Variants in MTOR observed in about 807,000 individuals in gnomAD.
MTOR encodes the protein mechanistic target of rapamycin kinase.
MTOR carries 70 observed loss-of-function variants against 319.8 expected under a neutral mutation model. The observed-to-expected ratio is 0.22, with a 90% CI of 0.18 to 0.27. The LOEUF is 0.27. MTOR is among the 10% of genes least tolerant of loss of function. MTOR has a pLI of 1.00. For missense variants in MTOR, 1,890 were observed against 3,274.4 expected (o/e 0.58, Z 10.32); for synonymous variants, 1,183 against 1,211.4 (o/e 0.98, Z 0.49).
rs757594329 is a variant in MTOR at position 11,228,725 on chromosome 1, G to C, written c.2973C>G (p.Pro991=). The change falls in exon 19 of 58, where the codon CCC becomes CCG. Residue 991 remains proline, a synonymous_variant. Transcript: ENST00000361445. ...CGTTAAGGAACGTGGGCATGACCTG[G>C]GGCAGGAACTGCACACATTTGAGTC... ...SLGLKCVQFL[P]QVMPTFLNVI... is the part of the protein sequence containing the mutation. 6.2e-7 allele frequency: 1 copy of C among 1,614,114 alleles called. No individual in the cohort carries two copies.
chr1:11,174,979 A>G (rs138378361), intron 28 of MTOR, among the ~76,000 whole-genome samples: 2 of 152,334 alleles, frequency 1.3e-5, no homozygotes, highest in Admixed American at 6.5e-5. Flanking sequence ...CAACGTGCCT[A>G]TAACAGTGTG....
At chr1:11,151,365 C>A (rs1644137684) in intron 30 of MTOR, among the ~76,000 whole-genome samples, 1 of 152,130 alleles carries the variant, frequency 6.6e-6, no homozygotes, top group South Asian at 2.1e-4. Flanking sequence ...GAACTGGTGG[C>A]CATGATGCCC....
At chr1:11,248,261 T>G (rs1649109508) in intron 6 of MTOR, among the ~76,000 whole-genome samples, 167 bp from the exon 7 acceptor site, 1 of 152,184 alleles carries the variant, frequency 6.6e-6, no homozygotes, top group Non-Finnish European at 1.5e-5. Flanking sequence ...CCCAGAACCT[T>G]GCAAGGGACC....
chr1:11,158,237 G>C (rs1213587322), intron 29 of MTOR, among the ~76,000 whole-genome samples: 1 of 152,122 alleles, frequency 6.6e-6, no homozygotes, highest in Non-Finnish European at 1.5e-5. Context: ...ACAACAATAT[G>C]ATTCTGCAGT....
intron 28 of MTOR, among the ~76,000 whole-genome samples, chr1:11,198,648 C>T (rs1645864033): frequency 6.6e-6 from 1 of 152,190 alleles, no homozygotes; most frequent in East Asian, 1.9e-4. Context: ...GGAGCTGGAG[C>T]TAATGTTTCA....
At chr1:11,145,341 G>T (rs971504807) in intron 32 of MTOR, 3 of 401,188 alleles carry the variant, frequency 7.5e-6, no homozygotes, top group Non-Finnish European at 1.4e-5. Flanking sequence ...CCGAATCATG[G>T]GTTCTTGCAT....
At position 11,115,971 on chromosome 1, in the gene MTOR, C is replaced by T. The variant is rs186393829; in HGVS notation, c.7017-503G>A. Among the ~76,000 whole-genome samples, 2 of 152,302 alleles carry T rather than the reference C, an allele frequency of 1.3e-5. No individual in the cohort carries two copies. Among genetic ancestry groups the T allele is most frequent in the Non-Finnish European group, 1.5e-5 (1 of 68,024 alleles). On this transcript the variant is annotated intron_variant, in intron 50 of 57. Coordinates refer to ENST00000361445, the MANE Select transcript of MTOR (RefSeq NM_004958.4). This position sits in a 1 kb window ranked among gnomAD's most constrained non-coding sequence, Gnocchi z 4.5. Reference sequence around the variant, plus strand: ...TAAGTCCCTGAGCCAATCCCGGCAACCACCTGGCTTTTATCAACAGATATT... The same window carrying T: ...TAAGTCCCTGAGCCAATCCCGGCAATCACCTGGCTTTTATCAACAGATATT...
chr1:11,258,434 T>C (rs769762107), intron 3 of MTOR, 51 bp downstream of exon 3: 2 of 1,277,890 alleles, frequency 1.6e-6, no homozygotes, highest in Admixed American at 1.8e-5. Context: ...CAGGGTGCAG[T>C]GGGCACAAAG....
Position 11,207,109 on chromosome 1 carries a change from T to C in MTOR, c.3801+2203A>G, listed in dbSNP as rs561009884. Among the ~76,000 whole-genome samples, 4 of 152,302 alleles carry C rather than the reference T, an allele frequency of 2.6e-5. No homozygotes were observed. The South Asian group carries it at 8.3e-4, about 32-fold the overall frequency. The stretch of plus-strand genomic sequence containing the variant: ...GGTCTGCTGCCTTTTTTTGTCGTTG[T>C]TGTTGGTGAGACAGGGTCTTGCTCT... On this transcript the variant is annotated intron_variant, in intron 25 of 57. Transcript: ENST00000361445.
rs528772461 is a variant in MTOR, at chr1:11,128,070, A to G, written c.5967T>C (p.Asn1989=). Residue 1989 remains asparagine, a synonymous_variant, in exon 43 of 58, where the codon AAT becomes AAC. Transcript: ENST00000361445. The surrounding 1 kb of genome is among the most constrained non-coding windows in gnomAD (Gnocchi z 5.3). ...ASKSTTTARH[N]AANKILKNMC... ...TGTTCTTCAGAATCTTGTTGGCTGC[A>G]TTGTGCCGGGCTGTCGTGGTAGACT... 5.0e-6 allele frequency: 8 copies of G among 1,614,176 alleles called. No individual in the cohort carries two copies. Among genetic ancestry groups the G allele is most frequent in the Non-Finnish European group, 6.8e-6 (8 of 1,180,038 alleles).
chr1:11,196,748 A>T (rs1377801176), intron 28 of MTOR, among the ~76,000 whole-genome samples: 1 of 152,006 alleles, frequency 6.6e-6, no homozygotes, highest in Non-Finnish European at 1.5e-5. Flanking sequence ...GCTACTTAGG[A>T]AGCTGAGGCA....
intron 29 of MTOR, among the ~76,000 whole-genome samples, chr1:11,164,111 G>A (rs1272465397): frequency 5.9e-5 from 9 of 152,032 alleles, no homozygotes; most frequent in Admixed American, 4.6e-4. Flanking sequence ...TTGGGAGGCC[G>A]AGGTGGGCGG....
At chr1:11,144,346 A>C (rs930719906) in intron 34 of MTOR, 40 of 303,960 alleles carry the variant, frequency 1.3e-4, no homozygotes, top group Non-Finnish European at 2.5e-4. Flanking sequence ...AAGGTTGAGA[A>C]CCACTGATTT....
intron 16 of MTOR, 118 bp from the exon 17 acceptor site, chr1:11,231,552 T>C: frequency 7.8e-7 from 1 of 1,283,542 alleles, no homozygotes. Context: ...AAAAGAGGTT[T>C]CCAGTAAAGA....
chr1:11,256,251 G>A (rs994764419), intron 4 of MTOR, 59 bp from the exon 5 acceptor site: 10 of 1,561,174 alleles, frequency 6.4e-6, no homozygotes, highest in Non-Finnish European at 7.8e-6. Context: ...TCTCTCAGGA[G>A]TACAGTCTCT....
intron 13 of MTOR, among the ~76,000 whole-genome samples, chr1:11,236,248 C>T (rs1647219394): frequency 6.6e-6 from 1 of 151,396 alleles, no homozygotes; most frequent in East Asian, 2.0e-4. Context: ...GTGATCCTCC[C>T]ACCTCAGCCT....
At position 11,256,957 on chromosome 1, in the gene MTOR, G is replaced by T. The variant is rs372703891; in HGVS notation, c.480C>A (p.Arg160=). 28 of 1,613,788 alleles carry T rather than the reference G, an allele frequency of 1.7e-5. No homozygotes were observed. The African/African-American group carries it at 3.7e-4, about 22-fold the overall frequency. ...CAGCTGCATGTCTCCGGCCCTCATTGCGGTCAGCACCCAGCCATTCCAGGG... is the reference window on the plus strand; with the variant it reads ...CAGCTGCATGTCTCCGGCCCTCATTTCGGTCAGCACCCAGCCATTCCAGGG... ...KRALEWLGAD[R]NEGRRHAAVL... is the part of the protein sequence containing the mutation. The change falls in exon 4 of 58, where the codon CGC becomes CGA. Residue 160 remains arginine (R), a synonymous_variant. Transcript: ENST00000361445.
At chr1:11,134,611 A>G in intron 36 of MTOR, 145 bp from the exon 37 acceptor site, 2 of 631,426 alleles carry the variant, frequency 3.2e-6, no homozygotes, top group Non-Finnish European at 5.6e-6. Flanking sequence ...CATAGGACAG[A>G]GGACCAGGGC....
intron 28 of MTOR, chr1:11,194,819 C>A: frequency 6.2e-7 from 1 of 1,611,070 alleles, no homozygotes; most frequent in Non-Finnish European, 8.5e-7. Context: ...CTATCACAGT[C>A]AACTTACTAG....
Sources: allele counts gnomAD v4.1 joint callset (sites outside exome capture counted in the v4.1 genomes callset), GRCh38; gene constraint gnomAD v4.1.1; non-coding constraint Gnocchi (gnomAD v3.1); transcripts MANE v1.5; gene names NCBI Gene and HGNC (gene_info 2026-07-23, HGNC 2026-07-21).